The following RBM19 variants were observed in gnomAD, a reference collection of about 807,000 sequenced individuals.
RBM19 encodes the protein RNA binding motif protein 19.
A neutral mutation model predicts 116.8 loss-of-function variants in RBM19; 94 were observed. The ratio of observed to expected loss-of-function variants is 0.80; its 90% CI spans 0.68 to 0.95. The LOEUF (loss-of-function observed/expected upper bound fraction) is 0.95. Among genes scored for constraint, RBM19 ranks in the 40% least tolerant of loss-of-function variants. The probability of loss-of-function intolerance (pLI) is 0.00; values close to 1 mark genes in which losing one functional copy is unlikely to be tolerated. For synonymous variants in RBM19, 475 were observed against 494.1 expected (o/e 0.96, Z 0.51); for missense variants, 1,161 against 1,220.7 (o/e 0.95, Z 0.73).
intron 23 of RBM19, among the ~76,000 whole-genome samples, chr12:113,833,818 G>A (rs1183622383): frequency 6.6e-6 from 1 of 152,130 alleles, no homozygotes; most frequent in Non-Finnish European, 1.5e-5. Context: ...ATCATGGCTT[G>A]CTGCAGCCTC....
intron 11 of RBM19, 79 bp from the exon 12 acceptor site, chr12:113,946,554 T>C: frequency 6.3e-7 from 1 of 1,591,368 alleles, no homozygotes; most frequent in Non-Finnish European, 8.6e-7. Context: ...TGTTGGCTTC[T>C]GCCACGAGTA....
chr12:113,844,837 C>G, intron 22 of RBM19, 49 bp from the exon 23 acceptor site: 5 of 1,543,888 alleles, frequency 3.2e-6, no homozygotes, highest in Non-Finnish European at 4.4e-6. Flanking sequence ...ATCAGTGCGG[C>G]AGACACTCCA....
intron 23 of RBM19, among the ~76,000 whole-genome samples, chr12:113,828,604 T>C (rs796525508): frequency 7.9e-5 from 12 of 152,214 alleles, no homozygotes; most frequent in African/African-American, 2.9e-4. Context: ...GACTCAGTGG[T>C]GTGCAGTCCT....
At chr12:113,834,941 T>C (rs1486697806) in intron 23 of RBM19, among the ~76,000 whole-genome samples, 1 of 152,204 alleles carries the variant, frequency 6.6e-6, no homozygotes, top group African/African-American at 2.4e-5. Context: ...CTGCACATGG[T>C]AGGTCCATGA....
At chr12:113,861,643 T>C (rs1035288298) in intron 21 of RBM19, among the ~76,000 whole-genome samples, 2 of 152,098 alleles carry the variant, frequency 1.3e-5, no homozygotes, top group African/African-American at 2.4e-5. Flanking sequence ...CTGTGGATGC[T>C]CTGTGCATGG....
intron 16 of RBM19, among the ~76,000 whole-genome samples, chr12:113,932,283 A>G (rs961383721): frequency 7.9e-5 from 12 of 152,244 alleles, no homozygotes; most frequent in African/African-American, 2.9e-4. Context: ...GAATGAATGC[A>G]GAGCAGGCTG....
At chr12:113,957,641 A>AG in intron 6 of RBM19, 141 bp downstream of exon 6, 1 of 1,271,254 alleles carries the variant, frequency 7.9e-7, no homozygotes, top group South Asian at 3.3e-5. Context: ...AGCAAGCGGC[A>AG]GGGCCAAGAT....
chr12:113,921,529 T>C (rs1868557426), intron 18 of RBM19, among the ~76,000 whole-genome samples: 1 of 152,206 alleles, frequency 6.6e-6, no homozygotes, highest in Non-Finnish European at 1.5e-5. Flanking sequence ...TTGCAGGTCC[T>C]ATCTTTACCT....
chr12:113,919,631 A>G (rs1192835486), intron 19 of RBM19, among the ~76,000 whole-genome samples: 1 of 152,226 alleles, frequency 6.6e-6, no homozygotes, highest in East Asian at 1.9e-4. Flanking sequence ...TGCCAATCCC[A>G]GGCTGTTTTG....
chr12:113,819,450 T>G (rs1251528392), downstream of RBM19, among the ~76,000 whole-genome samples: 1 of 152,212 alleles, frequency 6.6e-6, no homozygotes. Context: ...CCCTGAGATG[T>G]GGCTGAGGCA....
chr12:113,948,847 A>T lies in RBM19; in HGVS notation c.1262T>A (p.Leu421His). Reference sequence around the variant, plus strand: ...CACACCCCTACCATATTTGGAGAAGAGCTTCTCCAGATCCTCCTCGGTGCT... The same window carrying T: ...CACACCCCTACCATATTTGGAGAAGTGCTTCTCCAGATCCTCCTCGGTGCT... ...YTSTEEDLEK[L>H]FSKYGPLSEL... The change falls in exon 10 of 24, where the codon CTC becomes CAC. Residue 421 changes from leucine (L) to histidine (H), a missense_variant. Leu to His is a moderately conservative substitution (Grantham distance 99, BLOSUM62 -3). Transcript: ENST00000261741. 6.2e-7 allele frequency: 1 copy of T among 1,614,076 alleles called. No homozygotes were observed. The highest frequency in any genetic ancestry group is 8.5e-7 in the Non-Finnish European group (1 of 1,179,974).
Position 113,876,067 on chromosome 12 carries a change from AGGTTTTCACACCCTCAT to A in RBM19, c.2559-17188_2559-17172del, listed in dbSNP as rs1275698824. Reference sequence around the variant, plus strand: ...TTATTGTTAGAGGAAAAATAATCAAAGGTTTTCACACCCTCATGGGGCAAGGTGGGAAATAATTAAAA... The same window carrying A: ...TTATTGTTAGAGGAAAAATAATCAAAGGGGCAAGGTGGGAAATAATTAAAA... On this transcript the variant is annotated intron_variant, in intron 21 of 23. Coordinates refer to ENST00000261741, the MANE Select transcript of RBM19 (RefSeq NM_016196.4). 7.2e-5 allele frequency among the ~76,000 whole-genome samples: 11 copies of A among 152,316 alleles called. No homozygotes were observed. In the South Asian group the frequency reaches 1.2e-3, roughly 17 times the overall value.
intron 6 of RBM19, 43 bp downstream of exon 6, chr12:113,957,739 A>G: frequency 1.3e-6 from 2 of 1,525,804 alleles, no homozygotes; most frequent in Non-Finnish European, 1.8e-6. Flanking sequence ...GGCAAGCAGG[A>G]GAGCGCACCT....
Position 113,962,432 on chromosome 12 carries a change from G to C in RBM19, c.37-18C>G. On this transcript the variant is annotated intron_variant, in intron 1 of 23. Coordinates refer to ENST00000261741, the MANE Select transcript of RBM19 (RefSeq NM_016196.4). ...TCCTTCATCTAGGACAGAGGGAAAG[G>C]AATGAGAGACGAACTGGAAAGTCCC... 6.2e-7 allele frequency: 1 copy of C among 1,607,466 alleles called. No homozygotes were observed. The highest frequency in any genetic ancestry group is 1.1e-5 in the South Asian group (1 of 90,862).
intron 21 of RBM19, among the ~76,000 whole-genome samples, chr12:113,906,455 G>T (rs1421895401): frequency 2.0e-5 from 3 of 152,154 alleles, no homozygotes; most frequent in African/African-American, 7.2e-5. Flanking sequence ...TGCTCTTGGT[G>T]GGGGGCAGGT....
chr12:113,914,650 T>A (rs1319814293), intron 21 of RBM19, among the ~76,000 whole-genome samples: 1 of 152,212 alleles, frequency 6.6e-6, no homozygotes, highest in East Asian at 1.9e-4. Flanking sequence ...AGATCATGGG[T>A]AGGGCTGGGT....
chr12:113,889,679 A>C (rs1880809568), intron 21 of RBM19, among the ~76,000 whole-genome samples: 3 of 152,104 alleles, frequency 2.0e-5, no homozygotes, highest in Admixed American at 1.3e-4. Context: ...ACAACAAAAA[A>C]AAAAACAAAA....
intron 15 of RBM19, 126 bp from the exon 16 acceptor site, chr12:113,937,262 C>T (rs7132790): frequency 0.12 from 139,738 of 1,180,510 alleles, 9,768 homozygotes; most frequent in African/African-American, 0.31. Context: ...AGAATGGAGC[C>T]GGAAGGAGCC....
chr12:113,962,460 G>T, intron 1 of RBM19, 46 bp from the exon 2 acceptor site: 1 of 1,559,176 alleles, frequency 6.4e-7, no homozygotes. Flanking sequence ...AAAGTCCCCA[G>T]AGCAAGGGGA....
Sources: gnomAD v4.1 joint callset for allele counts (sites outside exome capture counted in the v4.1 genomes callset) on GRCh38, gnomAD v4.1.1 for gene constraint, MANE v1.5 for transcripts, NCBI Gene and HGNC (gene_info 2026-07-23, HGNC 2026-07-21) for gene names.